KCNA6: variants seen among roughly 807,000 people sequenced by gnomAD.
KCNA6 encodes the protein potassium voltage-gated channel subfamily A member 6, also known as human brain potassium channel-2.
Under a neutral mutation model 29.5 loss-of-function variants are expected in KCNA6, and 17 were observed. The observed-to-expected ratio is 0.58, with a 90% CI of 0.39 to 0.86. KCNA6 has a LOEUF of 0.86. Among genes scored for constraint, KCNA6 ranks in the 40% least tolerant of loss-of-function variants. The pLI is 0.00. For synonymous variants in KCNA6, 296 were observed against 304.7 expected (o/e 0.97, Z 0.30); for missense variants, 450 against 703.4 (o/e 0.64, Z 4.07).
Position 4,810,776 on chromosome 12 carries a change from C to T in KCNA6, c.735C>T (p.Thr245=), listed in dbSNP as rs771951583. ...GCATCACCCCTGGGGAAATGGGGAC[C>T]GGGGGCTCCTCCTCACTCAGTACTC... Residue 245 remains threonine, a synonymous_variant, in exon 1 of 1, where the codon ACC becomes ACT. Coordinates refer to ENST00000280684, the Ensembl canonical transcript of KCNA6. The surrounding 1 kb of genome is among the most constrained non-coding windows in gnomAD (Gnocchi z 7.5). 14 of 1,595,936 alleles carry T rather than the reference C, an allele frequency of 8.8e-6. No individual in the cohort carries two copies. Among genetic ancestry groups the T allele is most frequent in the Admixed American group, 1.7e-5 (1 of 58,952 alleles).
the KCNA6 span, among the ~76,000 whole-genome samples, chr12:4,843,951 A>G: frequency 2.6e-4 from 39 of 152,274 alleles, no homozygotes; most frequent in African/African-American, 8.7e-4. Context: ...ATCCAAAACC[A>G]TATCAATAGT....
the KCNA6 span, among the ~76,000 whole-genome samples, chr12:4,824,284 T>C: frequency 6.6e-6 from 1 of 152,240 alleles, no homozygotes; most frequent in South Asian, 2.1e-4. Context: ...AAACGTTAGA[T>C]ACAGTTAAAA....
At chr12:4,836,905 A>G in the KCNA6 span, among the ~76,000 whole-genome samples, 1 of 152,188 alleles carries the variant, frequency 6.6e-6, no homozygotes, top group South Asian at 2.1e-4. Flanking sequence ...ATTGCGGAAT[A>G]TATATTTGGT....
the KCNA6 span, among the ~76,000 whole-genome samples, chr12:4,819,539 G>A: frequency 6.6e-6 from 1 of 152,176 alleles, no homozygotes; most frequent in Non-Finnish European, 1.5e-5. Context: ...AGGAGGCCTC[G>A]TAGTTGGAAG....
the KCNA6 span, among the ~76,000 whole-genome samples, chr12:4,834,117 T>C: frequency 6.7e-3 from 1,022 of 152,102 alleles, 9 homozygotes; most frequent in Middle Eastern, 0.014. Flanking sequence ...TTATTTTTTG[T>C]AGAGACAGGG....
At chr12:4,844,012 A>G in the KCNA6 span, among the ~76,000 whole-genome samples, 1 of 152,200 alleles carries the variant, frequency 6.6e-6, no homozygotes, top group South Asian at 2.1e-4. The surrounding 1 kb of genome is among the most constrained non-coding windows in gnomAD (Gnocchi z 4.0). Context: ...CTTCCTTACC[A>G]TGAAGCCAAT....
At chr12:4,821,793 T>C in the KCNA6 span, among the ~76,000 whole-genome samples, 1 of 152,222 alleles carries the variant, frequency 6.6e-6, no homozygotes, top group Non-Finnish European at 1.5e-5. Context: ...CTTTGCCCAG[T>C]GCCCATCGCT....
the KCNA6 span, among the ~76,000 whole-genome samples, chr12:4,841,261 C>CAGT: frequency 1.3e-5 from 2 of 152,112 alleles, no homozygotes; most frequent in Non-Finnish European, 2.9e-5. Context: ...CCAGTATCAC[C>CAGT]ATCTTTTCTG....
At chr12:4,831,433 A>G in the KCNA6 span, among the ~76,000 whole-genome samples, 11 of 152,200 alleles carry the variant, frequency 7.2e-5, no homozygotes, top group African/African-American at 2.7e-4. Context: ...CCTGAGAGCC[A>G]GCCAGCATGA....
At chr12:4,828,356 C>A in the KCNA6 span, among the ~76,000 whole-genome samples, 4 of 152,208 alleles carry the variant, frequency 2.6e-5, no homozygotes, top group Non-Finnish European at 5.9e-5. Flanking sequence ...ACTACATAGC[C>A]GTCATGGAGA....
the KCNA6 span, among the ~76,000 whole-genome samples, chr12:4,818,883 C>T: frequency 5.9e-5 from 9 of 151,814 alleles, no homozygotes; most frequent in African/African-American, 9.7e-5. Flanking sequence ...TACACACATA[C>T]GTATATACAC....
chr12:4,818,021 G>A (rs1166483841), downstream of KCNA6, among the ~76,000 whole-genome samples: 3 of 152,140 alleles, frequency 2.0e-5, no homozygotes, highest in Non-Finnish European at 4.4e-5. Context: ...CTTGACAACC[G>A]CTGTCTCCAG....
downstream of KCNA6, chr12:4,813,824 CATGT>C (rs1185696810): frequency 2.4e-5 from 4 of 167,130 alleles, no homozygotes; most frequent in Non-Finnish European, 5.9e-5. Flanking sequence ...GACCTGTATG[CATGT>C]ATCTCTGTAT....
At position 4,811,678 on chromosome 12, in the gene KCNA6, T is replaced by C. The variant is rs1946633585; in HGVS notation, c.*47T>C. The stretch of plus-strand genomic sequence containing the variant: ...GGAGGGGAGCACTGAGCTAACAGTC[T>C]CTTAGGCTTCCTTCTCATTTCCACT... On this transcript the variant is annotated 3_prime_UTR_variant, in exon 1 of 1. Coordinates refer to ENST00000280684, the Ensembl canonical transcript of KCNA6. This position sits in a 1 kb window ranked among gnomAD's most constrained non-coding sequence, Gnocchi z 7.1. 6.4e-7 allele frequency: 1 copy of C among 1,562,252 alleles called. No individual in the cohort carries two copies. Among genetic ancestry groups the C allele is most frequent in the African/African-American group, 1.4e-5 (1 of 73,384 alleles).
At chr12:4,812,017 T>G (rs1018481049) in exon 1 of KCNA6, 1 of 206,424 alleles carries the variant, frequency 4.8e-6, no homozygotes, top group African/African-American at 2.3e-5. Flanking sequence ...CGCTCCCTCC[T>G]TAGTGTTCTT....
chr12:4,812,291 AT>A (rs1232013129), exon 1 of KCNA6: 1 of 167,200 alleles, frequency 6.0e-6, no homozygotes, highest in East Asian at 1.9e-4. Flanking sequence ...AGGCCAATGG[AT>A]TTTTCAAAGT....
At chr12:4,849,181 A>G in the KCNA6 span, among the ~76,000 whole-genome samples, 1 of 152,242 alleles carries the variant, frequency 6.6e-6, no homozygotes, top group Admixed American at 6.5e-5. Flanking sequence ...TTCCCTAAGA[A>G]CATGCTGTAG....
chr12:4,809,923 G>C (rs1946605072), exon 1 of KCNA6: 1 of 1,234,894 alleles, frequency 8.1e-7, no homozygotes, highest in African/African-American at 1.5e-5. Flanking sequence ...CGCGAACCGG[G>C]AGGAGCGCGG....
chr12:4,830,918 C>A, the KCNA6 span, among the ~76,000 whole-genome samples: 15 of 152,232 alleles, frequency 9.9e-5, no homozygotes, highest in Non-Finnish European at 2.9e-5. Flanking sequence ...CGAAGCCACC[C>A]CCTAGCAGAC....
Sources: gnomAD v4.1 joint callset for allele counts (sites outside exome capture counted in the v4.1 genomes callset) on GRCh38, gnomAD v4.1.1 for gene constraint, Gnocchi (gnomAD v3.1) non-coding constraint, MANE v1.5 for transcripts, NCBI Gene and HGNC (gene_info 2026-07-23, HGNC 2026-07-21) for gene names.